PLCL2: variants seen among roughly 807,000 people sequenced by gnomAD.
The protein encoded by PLCL2 is inactive phospholipase C-like protein 2.
PLCL2 carries 4 observed loss-of-function variants against 79.6 expected under a neutral mutation model. The ratio of observed to expected loss-of-function variants is 0.05; its 90% confidence interval spans 0.02 to 0.11. The LOEUF is 0.11. PLCL2 is among the 10% of genes least tolerant of loss of function. PLCL2 has a pLI of 1.00. For missense variants in PLCL2, 895 were observed against 1,291.0 expected, an observed-to-expected ratio of 0.69 and a Z score of 4.70; for synonymous variants, 484 against 457.7, an observed-to-expected ratio of 1.06 and a Z score of -0.73.
intron 1 of PLCL2, among the ~76,000 whole-genome samples, chr3:16,960,909 G>T (rs927232725): frequency 1.3e-5 from 2 of 152,220 alleles, no homozygotes; most frequent in South Asian, 4.1e-4. Flanking sequence ...TGACTTCATG[G>T]TTATTAATTG....
intron 3 of PLCL2, among the ~76,000 whole-genome samples, chr3:17,033,612 A>G (rs2064609110): frequency 6.6e-6 from 1 of 152,140 alleles, no homozygotes; most frequent in African/African-American, 2.4e-5. Context: ...ACACCCCTCA[A>G]ACATCCACCA....
rs143856202 is a variant in PLCL2 at position 17,042,584 on chromosome 3, C to T, written c.3019-290C>T. 7.4e-4 allele frequency among the ~76,000 whole-genome samples: 113 copies of T among 152,260 alleles called. No homozygotes were observed. In the East Asian group the frequency reaches 0.018, roughly 24 times the overall value. ...TTGCACGCATATTTGTAGCTTTTCA[C>T]GCTGAAATGAACTCAGTTCAGTATA... On this transcript the variant is annotated intron_variant, in intron 3 of 5. Coordinates refer to ENST00000615277, the MANE Select transcript of PLCL2 (RefSeq NM_001144382.2).
At chr3:16,970,745 A>T (rs1397144056) in intron 1 of PLCL2, among the ~76,000 whole-genome samples, 4 of 144,652 alleles carry the variant, frequency 2.8e-5, no homozygotes, top group Non-Finnish European at 6.1e-5. Flanking sequence ...CTTTTTAATG[A>T]TTGCCATTCT....
intron 5 of PLCL2, among the ~76,000 whole-genome samples, chr3:17,085,558 C>T (rs1423396517): frequency 6.6e-6 from 1 of 152,046 alleles, no homozygotes; most frequent in Non-Finnish European, 1.5e-5. Context: ...TCACGCCATT[C>T]TCTGCCTCAG....
At chr3:16,993,459 T>C (rs1402144008) in intron 1 of PLCL2, among the ~76,000 whole-genome samples, 3 of 152,176 alleles carry the variant, frequency 2.0e-5, no homozygotes, top group Non-Finnish European at 2.9e-5. Flanking sequence ...GCTTGAACTT[T>C]AGTGAGTCAG....
chr3:17,019,017 A>G (rs1223319695), intron 3 of PLCL2, among the ~76,000 whole-genome samples: 1 of 152,212 alleles, frequency 6.6e-6, no homozygotes, highest in Non-Finnish European at 1.5e-5. Context: ...GATAGACAAT[A>G]GATAGTAAAT....
Position 17,009,736 on chromosome 3 carries a change from G to C in PLCL2, c.390G>C (p.Glu130Asp), listed in dbSNP as rs1323374501. 1 of 1,612,096 alleles carries C rather than the reference G, an allele frequency of 6.2e-7. No individual in the cohort carries two copies. ...TCTCATTCAGCAGCATGCCAACAGA[G>C]AAGAAGATCAGCAGTGCAAGTGATT... ...KTVSFSSMPT[E>D]KKISSASDCI... Residue 130 changes from glutamate (E) to aspartate (D), a missense_variant, in exon 2 of 6, where the codon GAG (glutamate) becomes GAC (aspartate). By Grantham distance (45) the Glu-to-Asp change is conservative. Around this residue, in one of 6 missense-constraint regions of PLCL2, gnomAD observed 129 missense variants for 208.8 expected, o/e 0.62. Transcript: ENST00000615277. This position sits in a 1 kb window ranked among gnomAD's most constrained non-coding sequence, Gnocchi z 4.0.
chr3:17,013,168 G>C (rs573657459), intron 2 of PLCL2, among the ~76,000 whole-genome samples: 1 of 151,904 alleles, frequency 6.6e-6, no homozygotes, highest in South Asian at 2.1e-4. Flanking sequence ...CCTCAGCTCT[G>C]AGCAAGCGCA....
intron 1 of PLCL2, among the ~76,000 whole-genome samples, chr3:16,898,431 A>G (rs1293714689): frequency 6.6e-6 from 1 of 152,220 alleles, no homozygotes; most frequent in Non-Finnish European, 1.5e-5. Flanking sequence ...AGTATTGTTG[A>G]AAAAGATTTT....
intron 1 of PLCL2, among the ~76,000 whole-genome samples, chr3:16,971,504 T>C (rs2063868002): frequency 6.6e-6 from 1 of 152,198 alleles, no homozygotes; most frequent in South Asian, 2.1e-4. Flanking sequence ...CTTTGTTCTT[T>C]TGGCTTAGGA....
chr3:16,982,115 C>T (rs777389275), intron 1 of PLCL2, among the ~76,000 whole-genome samples: 3 of 152,088 alleles, frequency 2.0e-5, no homozygotes, highest in Non-Finnish European at 2.9e-5. Flanking sequence ...GCTTTATATC[C>T]GAAAACCCAG....
intron 1 of PLCL2, among the ~76,000 whole-genome samples, chr3:16,955,388 T>G (rs949956249): frequency 6.6e-6 from 1 of 152,190 alleles, no homozygotes; most frequent in Non-Finnish European, 1.5e-5. Context: ...TTGATCTATA[T>G]CTCTGTTTTG....
At chr3:17,037,336 C>T (rs187419486) in intron 3 of PLCL2, among the ~76,000 whole-genome samples, 17 of 152,222 alleles carry the variant, frequency 1.1e-4, no homozygotes, top group Admixed American at 1.0e-3. Flanking sequence ...GTGGTTAGGG[C>T]CAGGTGTATA....
At position 17,050,264 on chromosome 3, in the gene PLCL2, C is replaced by T. The variant is rs186008916; in HGVS notation, c.3094+7315C>T. ...ACTTTCCAGGCATTGGATTAGGCAACGATTTCTTGAGTAATACCCTACAAG... is the reference window on the plus strand; with the variant it reads ...ACTTTCCAGGCATTGGATTAGGCAATGATTTCTTGAGTAATACCCTACAAG... On this transcript the variant is annotated intron_variant, in intron 4 of 5. Transcript: ENST00000615277. Among the ~76,000 whole-genome samples, 105 of 152,186 alleles carry T rather than the reference C, an allele frequency of 6.9e-4. 2 individuals carry two copies. Among genetic ancestry groups the T allele is most frequent in the Admixed American group, 6.8e-3 (104 of 15,266 alleles).
At chr3:17,086,901 T>C (rs1016133358) in intron 5 of PLCL2, among the ~76,000 whole-genome samples, 2 of 152,250 alleles carry the variant, frequency 1.3e-5, no homozygotes, top group African/African-American at 4.8e-5. Context: ...ATGGAAAGTA[T>C]ATTAGCATCA....
chr3:16,960,591 T>C (rs949979753), intron 1 of PLCL2, among the ~76,000 whole-genome samples: 1 of 152,232 alleles, frequency 6.6e-6, no homozygotes, highest in Non-Finnish European at 1.5e-5. Context: ...TAAGTCCTTC[T>C]TGTTTGTATT....
chr3:16,915,428 G>A (rs569982749), intron 1 of PLCL2, among the ~76,000 whole-genome samples: 1 of 152,188 alleles, frequency 6.6e-6, no homozygotes, highest in Non-Finnish European at 1.5e-5. Context: ...TATATTTACT[G>A]TTAGAATCTT....
chr3:16,980,996 C>T (rs1052902661), intron 1 of PLCL2, among the ~76,000 whole-genome samples: 2 of 152,218 alleles, frequency 1.3e-5, no homozygotes, highest in Non-Finnish European at 1.5e-5. Context: ...ACCAGTCAAG[C>T]GTGGTGGCGC....
chr3:17,032,775 C>G (rs1174606047), intron 3 of PLCL2, among the ~76,000 whole-genome samples: 1 of 152,032 alleles, frequency 6.6e-6, no homozygotes, highest in East Asian at 1.9e-4. Flanking sequence ...ATGCTGTATC[C>G]AAATGGTTAT....
Sources: allele counts gnomAD v4.1 joint callset (sites outside exome capture counted in the v4.1 genomes callset), GRCh38; gene constraint gnomAD v4.1.1; regional missense constraint gnomAD v4.1.1; non-coding constraint Gnocchi (gnomAD v3.1); transcripts MANE v1.5; gene names NCBI Gene and HGNC (gene_info 2026-07-23, HGNC 2026-07-21).